SLC24A1: variants seen among roughly 807,000 people sequenced by gnomAD.
The protein encoded by SLC24A1 is solute carrier family 24 member 1.
A neutral mutation model predicts 88.1 loss-of-function variants in SLC24A1; 52 were observed. The ratio of observed to expected loss-of-function variants is 0.59; its 90% CI spans 0.47 to 0.74. The LOEUF (loss-of-function observed/expected upper bound fraction) is 0.74. Among genes scored for constraint, SLC24A1 ranks in the 30% least tolerant of loss-of-function variants. The probability of loss-of-function intolerance (pLI) is 0.00; values close to 1 mark genes in which losing one functional copy is unlikely to be tolerated. For missense variants in SLC24A1, 1,173 were observed against 1,363.3 expected, an observed-to-expected ratio of 0.86 and a Z score of 2.20; for synonymous variants, 455 against 498.0, an observed-to-expected ratio of 0.91 and a Z score of 1.15.
In SLC24A1 at chr15:65,625,731, C is replaced by T. The variant is rs1176134386; in HGVS notation, c.1651C>T (p.Leu551Phe). 1.2e-6 allele frequency: 2 copies of T among 1,614,056 alleles called. No individual in the cohort carries two copies. The highest frequency in any genetic ancestry group is 3.3e-5 in the Admixed American group (2 of 60,032). ...TTGTTCCCTCTTCTCCCGAGAGATCCTCAACCTCACCTGGTGGCCCTTATT... is the reference window on the plus strand; with the variant it reads ...TTGTTCCCTCTTCTCCCGAGAGATCTTCAACCTCACCTGGTGGCCCTTATT... Reference protein sequence around the residue: ...GTCSLFSREILNLTWWPLFRD... With the variant: ...GTCSLFSREIFNLTWWPLFRD... The change falls in exon 2 of 10, where the codon CTC (leucine) becomes TTC (phenylalanine). Residue 551 changes from leucine to phenylalanine, a missense_variant. Physicochemically the swap from Leu to Phe is conservative, Grantham distance 22. Coordinates refer to ENST00000261892, the MANE Select transcript of SLC24A1 (RefSeq NM_004727.3).
At chr15:65,626,695 G>A (rs1281559985) in intron 2 of SLC24A1, among the ~76,000 whole-genome samples, 1 of 152,142 alleles carries the variant, frequency 6.6e-6, no homozygotes, top group Admixed American at 6.5e-5. Flanking sequence ...CTGCCCGCTT[G>A]AGGGACCTTC....
In SLC24A1 at chr15:65,655,579, A is replaced by T; in HGVS notation, c.*1500A>T. 1 of 985,446 alleles carries T rather than the reference A, an allele frequency of 1.0e-6. No individual in the cohort carries two copies. The highest frequency in any genetic ancestry group is 1.2e-6 in the Non-Finnish European group (1 of 829,926). The allele number at this position is 985,446 out of a possible 1,614,324, so 61.0% of individuals were successfully genotyped here. On this transcript the variant is annotated 3_prime_UTR_variant, in exon 10 of 10. Transcript: ENST00000261892. Reference sequence around the variant, plus strand: ...CACGTTAGAAATAGAACAGCTTAATATCACTGGCTTCAGAGCAAAATGAGC... The same window carrying T: ...CACGTTAGAAATAGAACAGCTTAATTTCACTGGCTTCAGAGCAAAATGAGC...
chr15:65,649,699 C>T (rs2075430527), intron 6 of SLC24A1, among the ~76,000 whole-genome samples: 1 of 152,150 alleles, frequency 6.6e-6, no homozygotes, highest in Admixed American at 6.5e-5. Flanking sequence ...GTGCCTGGCA[C>T]ATAAAAACCC....
intron 2 of SLC24A1, among the ~76,000 whole-genome samples, chr15:65,636,967 C>T (rs2141584033): frequency 6.6e-6 from 1 of 151,942 alleles, no homozygotes; most frequent in Middle Eastern, 3.4e-3. Flanking sequence ...CTGAGCACCT[C>T]CTGTTCTCAG....
At chr15:65,659,895 A>G (rs964228210), downstream of SLC24A1, 1 of 158,556 alleles carries the variant, frequency 6.3e-6, no homozygotes, top group Non-Finnish European at 1.4e-5. Flanking sequence ...GCCATTTGAA[A>G]TCAATAAACT....
intron 2 of SLC24A1, among the ~76,000 whole-genome samples, chr15:65,616,385 CATCTGT>C (rs1454097394): frequency 9.9e-5 from 15 of 152,228 alleles, no homozygotes; most frequent in Non-Finnish European, 1.9e-4. Flanking sequence ...TCCTCTCTAG[CATCTGT>C]TGTTTCCTGA....
At chr15:65,648,027 G>A (rs1313860755) in intron 6 of SLC24A1, among the ~76,000 whole-genome samples, 3 of 152,194 alleles carry the variant, frequency 2.0e-5, no homozygotes, top group Non-Finnish European at 2.9e-5. Flanking sequence ...TTGGGAGGCC[G>A]AGGCGGGCGG....
chr15:65,652,030 G>C (rs1316015599), intron 8 of SLC24A1: 2 of 438,752 alleles, frequency 4.6e-6, no homozygotes, highest in Non-Finnish European at 8.6e-6. Flanking sequence ...CTTATTTCCT[G>C]CTTTCTCTGC....
upstream of SLC24A1, among the ~76,000 whole-genome samples, chr15:65,617,356 G>A (rs766892262): frequency 7.9e-5 from 12 of 152,242 alleles, no homozygotes; most frequent in South Asian, 1.2e-3. Context: ...CTTCCTATCC[G>A]TGAGCATGGA....
intron 4 of SLC24A1, among the ~76,000 whole-genome samples, chr15:65,642,054 C>T (rs1383126216): frequency 3.9e-5 from 6 of 152,138 alleles, no homozygotes; most frequent in Admixed American, 1.3e-4. Context: ...GAATGGCTCT[C>T]GTGACTGCAG....
chr15:65,626,141 G>A (rs1450976051), intron 2 of SLC24A1, among the ~76,000 whole-genome samples, 171 bp downstream of exon 2: 2 of 152,202 alleles, frequency 1.3e-5, no homozygotes, highest in East Asian at 3.8e-4. Context: ...GCACTGTGCT[G>A]GGGCCTTTGT....
chr15:65,658,949 A>G (rs1315928413), downstream of SLC24A1, among the ~76,000 whole-genome samples: 1 of 152,248 alleles, frequency 6.6e-6, no homozygotes, highest in Admixed American at 6.5e-5. Context: ...GTTTTAGAGC[A>G]AAACAGAAAT....
chr15:65,631,944 GC>G (rs1439160752), intron 2 of SLC24A1, among the ~76,000 whole-genome samples: 1 of 152,170 alleles, frequency 6.6e-6, no homozygotes, highest in African/African-American at 2.4e-5. Context: ...TGATTCTCCT[GC>G]CTCAGCCTCT....
At chr15:65,657,207 C>T (rs1303619393), downstream of SLC24A1, among the ~76,000 whole-genome samples, 1 of 152,092 alleles carries the variant, frequency 6.6e-6, no homozygotes, top group African/African-American at 2.4e-5. Flanking sequence ...TTATATTGCA[C>T]TGTCATCAAT....
At chr15:65,659,321 GGTTTTTTTTTTTTTTT>G (rs1256784498), downstream of SLC24A1, 10 of 66,668 alleles carry the variant, frequency 1.5e-4, 1 homozygote, top group Admixed American at 1.8e-3. Context: ...GATATTTTCT[GGTTTTTTTTTTTTTTT>G]TTTTTTTTTT....
intron 1 of SLC24A1, among the ~76,000 whole-genome samples, chr15:65,623,032 G>A (rs968217382): frequency 2.0e-5 from 3 of 152,224 alleles, no homozygotes; most frequent in East Asian, 3.9e-4. Context: ...ATGAGCCACC[G>A]TGCTCAGCCT....
rs2074432172 is a variant in SLC24A1 at position 65,624,516 on chromosome 15, A to G, written c.436A>G (p.Thr146Ala). The G allele has an allele frequency of 6.2e-7, 1 of 1,604,630 alleles. No homozygotes were observed. The highest frequency in any genetic ancestry group is 8.5e-7 in the Non-Finnish European group (1 of 1,175,272). The stretch of plus-strand genomic sequence containing the variant: ...AGAAAGAAGGAAGGAAGACACCCCA[A>G]CATCCAGTAGAACACTGACTTACTA... ...GTERRKEDTP[T>A]SSRTLTYYTS... The change falls in exon 2 of 10, where the codon ACA becomes GCA. Residue 146 changes from threonine (T) to alanine (A), a missense_variant. Transcript: ENST00000261892.
intron 4 of SLC24A1, chr15:65,643,002 C>T: frequency 7.8e-7 from 1 of 1,289,266 alleles, no homozygotes; most frequent in South Asian, 1.2e-5. Flanking sequence ...TGGGGTGCTT[C>T]CCAGGTAGGA....
At position 65,654,287 on chromosome 15, in the gene SLC24A1, G is replaced by T; in HGVS notation, c.*208G>T. 1 of 1,370,824 alleles carries T rather than the reference G, an allele frequency of 7.3e-7. No individual in the cohort carries two copies. Among genetic ancestry groups the T allele is most frequent in the Non-Finnish European group, 9.4e-7 (1 of 1,066,466 alleles). The allele number at this position is 1,370,824 out of a possible 1,614,324, so 84.9% of individuals were successfully genotyped here. The stretch of plus-strand genomic sequence containing the variant: ...GGATTAAGAACCTCACCCCTGGAGG[G>T]GTGGAGTTTCTACCCCTGACTCATG... On this transcript the variant is annotated 3_prime_UTR_variant, in exon 10 of 10. Coordinates refer to ENST00000261892, the MANE Select transcript of SLC24A1 (RefSeq NM_004727.3).
Sources: gnomAD v4.1 joint callset for allele counts (sites outside exome capture counted in the v4.1 genomes callset) on GRCh38, gnomAD v4.1.1 for gene constraint, MANE v1.5 for transcripts, NCBI Gene and HGNC (gene_info 2026-07-23, HGNC 2026-07-21) for gene names.